Variants in PHYHIPL observed in about 807,000 individuals in gnomAD.
The protein encoded by PHYHIPL is phytanoyl-CoA hydroxylase-interacting protein-like.
A neutral mutation model predicts 33.4 loss-of-function variants in PHYHIPL; 9 were observed. The ratio of observed to expected loss-of-function variants is 0.27; its 90% CI spans 0.16 to 0.47. The LOEUF is 0.47. PHYHIPL is among the 20% of genes least tolerant of loss of function. PHYHIPL has a pLI of 0.99. For synonymous variants in PHYHIPL, 153 were observed against 154.1 expected (o/e 0.99, Z 0.05); for missense variants, 365 against 460.7 (o/e 0.79, Z 1.90).
chr10:59,237,078 T>G (rs536161333), intron 3 of PHYHIPL, among the ~76,000 whole-genome samples: 1 of 151,564 alleles, frequency 6.6e-6, no homozygotes, highest in Admixed American at 6.6e-5. Flanking sequence ...TTCAGGTGAA[T>G]GGAGGCAGAT....
At chr10:59,180,138 C>A (rs528226661) in intron 1 of PHYHIPL, among the ~76,000 whole-genome samples, 1 of 150,266 alleles carries the variant, frequency 6.7e-6, no homozygotes, top group African/African-American at 2.4e-5. Context: ...AATATGGGAG[C>A]CCATTTACAG....
intron 1 of PHYHIPL, among the ~76,000 whole-genome samples, chr10:59,219,967 G>A (rs921455998): frequency 6.6e-6 from 1 of 152,116 alleles, no homozygotes; most frequent in Non-Finnish European, 1.5e-5. Flanking sequence ...CAAACAACTT[G>A]TATTTGTTCT....
In PHYHIPL at chr10:59,246,474, A is replaced by ACTT; in HGVS notation, c.*884_*886dup. The ACTT allele has an allele frequency of 2.6e-6, 1 of 385,196 alleles. No individual in the cohort carries two copies. 23.9% of individuals were successfully genotyped at this position (385,196 alleles called of 1,614,324 possible). A position where few individuals can be genotyped will look rare whatever the true frequency, so the allele number is the denominator to read the frequency against. On this transcript the variant is annotated 3_prime_UTR_variant, in exon 5 of 5. Transcript: ENST00000373880. ...AGAATGTGAATTTCTTCAACATCAT[A>ACTT]CTTAAACATTACAGAAAATAGAAAT...
At chr10:59,212,200 G>C (rs1839473758) in intron 1 of PHYHIPL, among the ~76,000 whole-genome samples, 1 of 152,154 alleles carries the variant, frequency 6.6e-6, no homozygotes, top group South Asian at 2.1e-4. Flanking sequence ...ATGAGATGCT[G>C]TCCTCAACCT....
chr10:59,232,406 T>A (rs1344173208), intron 1 of PHYHIPL, among the ~76,000 whole-genome samples: 1 of 151,956 alleles, frequency 6.6e-6, no homozygotes, highest in Non-Finnish European at 1.5e-5. Context: ...GGGAAAAATA[T>A]AATTTGAGCA....
Position 59,238,641 on chromosome 10 carries a change from G to C in PHYHIPL, c.532G>C (p.Gly178Arg). Residue 178 changes from glycine (G) to arginine (R), a missense_variant, in exon 4 of 5, where the codon GGA becomes CGA. This residue lies in a region of PHYHIPL where 196 missense variants were observed against 224.9 expected (regional missense o/e 0.87). Coordinates refer to ENST00000373880, the MANE Select transcript of PHYHIPL (RefSeq NM_032439.4). ...QLLEKAEVIA[G>R]RMLKFSVFYR... ...GTTGGAGAAGGCTGAAGTGATTGCA[G>C]GACGCATGCTTAAGTTTTCTGTTTT... 1.2e-6 allele frequency: 2 copies of C among 1,611,314 alleles called. No individual in the cohort carries two copies. The highest frequency in any genetic ancestry group is 3.3e-4 in the Middle Eastern group (2 of 6,038).
At chr10:59,223,514 A>G (rs1839836186) in intron 1 of PHYHIPL, among the ~76,000 whole-genome samples, 1 of 152,186 alleles carries the variant, frequency 6.6e-6, no homozygotes, top group African/African-American at 2.4e-5. Flanking sequence ...TAGTTCTGAA[A>G]GTTGGATATC....
At chr10:59,189,818 A>G (rs1838732785) in intron 1 of PHYHIPL, among the ~76,000 whole-genome samples, 1 of 152,090 alleles carries the variant, frequency 6.6e-6, no homozygotes, top group African/African-American at 2.4e-5. Context: ...GCCAGAAGAA[A>G]AAGTAGGAGA....
chr10:59,230,682 G>C (rs1840052519), intron 1 of PHYHIPL, among the ~76,000 whole-genome samples: 1 of 152,134 alleles, frequency 6.6e-6, no homozygotes, highest in South Asian at 2.1e-4. Flanking sequence ...ATGCCCTGGT[G>C]ACCTCAGGAG....
chr10:59,234,171 C>T (rs1465644582), intron 1 of PHYHIPL, 133 bp from the exon 2 acceptor site: 3 of 676,560 alleles, frequency 4.4e-6, no homozygotes, highest in Non-Finnish European at 4.7e-6. Context: ...AAATTGGAAA[C>T]ATAAATGGAA....
At chr10:59,201,728 A>G (rs12257074) in intron 1 of PHYHIPL, among the ~76,000 whole-genome samples, 8,204 of 152,252 alleles carry the variant, frequency 0.054, 438 homozygotes, top group African/African-American at 0.13. Context: ...CAGCCATTGA[A>G]TAATGAAATT....
At chr10:59,198,981 G>GA (rs1259206643) in intron 1 of PHYHIPL, among the ~76,000 whole-genome samples, 1 of 151,484 alleles carries the variant, frequency 6.6e-6, no homozygotes, top group Non-Finnish European at 1.5e-5. Flanking sequence ...AGTAGATTGC[G>GA]AAAATTTTCT....
chr10:59,173,921 G>GTTTTTTTTTTTTTTTTTTTTTTTTTTT (rs368316005), upstream of PHYHIPL, among the ~76,000 whole-genome samples: 2 of 57,558 alleles, frequency 3.5e-5, no homozygotes, highest in African/African-American at 1.1e-4. Flanking sequence ...TACTTCTGAG[G>GTTTTTTTTTTTTTTTTTTTTTTTTTTT]TTTTTTTTTT....
chr10:59,211,662 T>TC (rs1839445055), intron 1 of PHYHIPL, among the ~76,000 whole-genome samples: 1 of 6,348 alleles, frequency 1.6e-4, no homozygotes, highest in African/African-American at 2.3e-4. Context: ...AGGCGGACTC[T>TC]CTAAAAAAAA....
intron 1 of PHYHIPL, chr10:59,177,459 C>T: frequency 6.5e-7 from 1 of 1,528,528 alleles, no homozygotes; most frequent in Admixed American, 2.1e-5. Flanking sequence ...TTTTTAGCCT[C>T]TTGGATTGGG....
At chr10:59,229,410 A>G (rs1387682813) in intron 1 of PHYHIPL, among the ~76,000 whole-genome samples, 2 of 152,194 alleles carry the variant, frequency 1.3e-5, no homozygotes, top group African/African-American at 4.8e-5. Context: ...TTAGAATAAT[A>G]ATTGTAATTA....
chr10:59,245,327 A>G lies in PHYHIPL; in HGVS notation c.867A>G (p.Gly289=), dbSNP rs1192162320. 1.2e-6 allele frequency: 2 copies of G among 1,614,154 alleles called. No homozygotes were observed. The highest frequency in any genetic ancestry group is 3.3e-5 in the Admixed American group (2 of 60,034). ...TGATTCTTGTTATTGCTCCTGTGGG[A>G]TCACCAGGAGATGAATTTTGTAAGC... ...HYVILVIAPV[G]SPGDEFCKQR... The change falls in exon 5 of 5, where the codon GGA becomes GGG. Residue 289 remains glycine (G), a synonymous_variant. Coordinates refer to ENST00000373880, the MANE Select transcript of PHYHIPL (RefSeq NM_032439.4).
chr10:59,179,878 C>T (rs908988497), intron 1 of PHYHIPL, among the ~76,000 whole-genome samples: 2 of 149,810 alleles, frequency 1.3e-5, no homozygotes, highest in African/African-American at 4.9e-5. Context: ...CACACACACA[C>T]ACACACACTA....
chr10:59,247,336 C>A lies in PHYHIPL; in HGVS notation c.*1745C>A. The A allele has an allele frequency of 2.8e-6, 1 of 360,986 alleles. No individual in the cohort carries two copies. The allele number at this position is 360,986 out of a possible 1,614,324, so 22.4% of individuals were successfully genotyped here. On this transcript the variant is annotated 3_prime_UTR_variant, in exon 5 of 5. Coordinates refer to ENST00000373880, the MANE Select transcript of PHYHIPL (RefSeq NM_032439.4). Reference sequence around the variant, plus strand: ...TATTTAGATTTGATAAAATATTAGACATTTTTAAAAATACTTGTATTGACT... The same window carrying A: ...TATTTAGATTTGATAAAATATTAGAAATTTTTAAAAATACTTGTATTGACT...
Sources: allele counts gnomAD v4.1 joint callset (sites outside exome capture counted in the v4.1 genomes callset), GRCh38; gene constraint gnomAD v4.1.1; regional missense constraint gnomAD v4.1.1; transcripts MANE v1.5; gene names NCBI Gene and HGNC (gene_info 2026-07-23, HGNC 2026-07-21).